The following AP1B1 variants were observed in gnomAD, a reference collection of about 807,000 sequenced individuals.
AP1B1 encodes AP-1 complex subunit beta-1.
A neutral mutation model predicts 104.3 loss-of-function variants in AP1B1; 36 were observed. The ratio of observed to expected loss-of-function variants is 0.35; its 90% CI spans 0.26 to 0.46. AP1B1 has a LOEUF of 0.46. Ranked by LOEUF, AP1B1 falls within the 20% of genes least tolerant of loss-of-function variation. The probability of loss-of-function intolerance (pLI) is 1.00; values close to 1 mark genes in which losing one functional copy is unlikely to be tolerated. For synonymous variants in AP1B1, 504 were observed against 517.5 expected, an observed-to-expected ratio of 0.97 and a Z score of 0.35; for missense variants, 901 against 1,247.9, an observed-to-expected ratio of 0.72 and a Z score of 4.19.
At chr22:29,333,930 T>C (rs1341918614) in intron 17 of AP1B1, among the ~76,000 whole-genome samples, 1 of 152,112 alleles carries the variant, frequency 6.6e-6, no homozygotes, top group Non-Finnish European at 1.5e-5. Flanking sequence ...CCAGGCGTGG[T>C]GGTGTGCACC....
chr22:29,381,218 C>A (rs1411745204), intron 1 of AP1B1, among the ~76,000 whole-genome samples: 2 of 152,076 alleles, frequency 1.3e-5, no homozygotes, highest in South Asian at 2.1e-4. Context: ...AAATTGTATA[C>A]CCCTCCCCCA....
In AP1B1 at chr22:29,362,033, C is replaced by A. The variant is rs547919417; in HGVS notation, c.143+968G>T. Among the ~76,000 whole-genome samples, 9 of 152,166 alleles carry A rather than the reference C, an allele frequency of 5.9e-5. No homozygotes were observed. The South Asian group carries it at 1.9e-3, about 32-fold the overall frequency. ...GGTCTTGAACTCCTGACCTCGTGAT[C>A]CACCCGCCTCGGCCTCCCAAAGTGC... On this transcript the variant is annotated intron_variant, in intron 3 of 22. Transcript: ENST00000357586.
intron 16 of AP1B1, among the ~76,000 whole-genome samples, chr22:29,337,551 T>A (rs970679271): frequency 3.9e-5 from 6 of 152,266 alleles, no homozygotes; most frequent in Admixed American, 1.3e-4. Flanking sequence ...TGTATCCTGC[T>A]TTGGGGTGGG....
intron 1 of AP1B1, among the ~76,000 whole-genome samples, chr22:29,375,592 G>A (rs1263306055): frequency 1.3e-5 from 2 of 152,162 alleles, no homozygotes; most frequent in African/African-American, 2.4e-5. Flanking sequence ...GCCAGACAGT[G>A]ATGACTGGGC....
rs1305159635 is a variant in AP1B1, at chr22:29,358,711, G to C, written c.525+15C>G. The C allele has an allele frequency of 6.2e-7, 1 of 1,604,974 alleles. No homozygotes were observed. The highest frequency in any genetic ancestry group is 1.7e-5 in the Admixed American group (1 of 59,804). ...GGAGGTGGTGGAGGTAGCACGGTGG[G>C]TGGCAGTGGCTTACCATGGGGTTAG... is the stretch of plus-strand genomic sequence containing the variant. On this transcript the variant is annotated intron_variant, in intron 5 of 22. Coordinates refer to ENST00000357586, the MANE Select transcript of AP1B1 (RefSeq NM_001127.4).
intron 8 of AP1B1, 188 bp from the exon 9 acceptor site, chr22:29,351,454 G>A (rs887655621): frequency 4.7e-6 from 4 of 846,602 alleles, no homozygotes; most frequent in Non-Finnish European, 7.5e-6. Context: ...AACCTTGTTT[G>A]GGGTTGATTT....
chr22:29,384,089 G>A lies in AP1B1; in HGVS notation c.-28+4335C>T, dbSNP rs530453387. On this transcript the variant is annotated intron_variant, in intron 1 of 22. Coordinates refer to ENST00000357586, the MANE Select transcript of AP1B1 (RefSeq NM_001127.4). ...TCTCCCAGGTTCTACAAAGCAAACA[G>A]GCACAACTGCAGCACAACTGTAAAA... 1.8e-3 allele frequency among the ~76,000 whole-genome samples: 275 copies of A among 152,304 alleles called. 2 individuals are homozygous for A. Among genetic ancestry groups the A allele is most frequent in the Admixed American group, 0.015 (231 of 15,302 alleles).
At chr22:29,344,097 C>T (rs1002551150) in intron 11 of AP1B1, among the ~76,000 whole-genome samples, 13 of 134,408 alleles carry the variant, frequency 9.7e-5, no homozygotes, top group African/African-American at 2.8e-4. Flanking sequence ...GGGACAAGGG[C>T]GAGACTTTGT....
chr22:29,337,405 C>A (rs926812482), intron 16 of AP1B1, among the ~76,000 whole-genome samples: 2 of 152,216 alleles, frequency 1.3e-5, no homozygotes, highest in East Asian at 3.9e-4. Context: ...AGTGCCCAGA[C>A]CCTGCCAGGG....
chr22:29,334,221 C>T (rs1292585989), intron 17 of AP1B1, 44 bp downstream of exon 17: 11 of 1,526,924 alleles, frequency 7.2e-6, no homozygotes, highest in South Asian at 6.4e-5. Flanking sequence ...GGTTCTCTCA[C>T]AGGCCTCCTC....
chr22:29,380,452 C>T (rs1184947881), intron 1 of AP1B1, among the ~76,000 whole-genome samples: 2 of 152,112 alleles, frequency 1.3e-5, no homozygotes, highest in Non-Finnish European at 2.9e-5. Context: ...GACATCTCCA[C>T]ATTACTGTGG....
chr22:29,329,342 G>C, intron 22 of AP1B1: 1 of 1,191,514 alleles, frequency 8.4e-7, no homozygotes, highest in Non-Finnish European at 1.0e-6. Context: ...GTAGGAAGCA[G>C]GCACGGTAGA....
intron 11 of AP1B1, among the ~76,000 whole-genome samples, chr22:29,348,806 A>C (rs2061829884): frequency 6.6e-6 from 1 of 152,180 alleles, no homozygotes; most frequent in African/African-American, 2.4e-5. Flanking sequence ...CTACTGGTGT[A>C]TTCCTAAATG....
intron 1 of AP1B1, among the ~76,000 whole-genome samples, chr22:29,369,372 T>C (rs942539789): frequency 3.9e-5 from 6 of 152,128 alleles, no homozygotes; most frequent in Admixed American, 3.3e-4. Context: ...TGGGGTCACC[T>C]TAAATCCTTT....
At chr22:29,343,485 A>G (rs1382938668) in intron 11 of AP1B1, among the ~76,000 whole-genome samples, 2 of 152,232 alleles carry the variant, frequency 1.3e-5, no homozygotes, top group Non-Finnish European at 2.9e-5. Flanking sequence ...GCAGCAGATG[A>G]GCAGTAGGCT....
chr22:29,384,739 G>A (rs1487502684), intron 1 of AP1B1, among the ~76,000 whole-genome samples: 2 of 152,062 alleles, frequency 1.3e-5, no homozygotes, highest in Non-Finnish European at 2.9e-5. Context: ...ATGGTGGCAG[G>A]TGCCTGTAAT....
At chr22:29,353,109 G>C (rs540028106) in intron 7 of AP1B1, among the ~76,000 whole-genome samples, 1 of 152,184 alleles carries the variant, frequency 6.6e-6, no homozygotes, top group Non-Finnish European at 1.5e-5. Flanking sequence ...CAGTAAAGAC[G>C]AGAGTGGGGC....
chr22:29,338,918 T>C (rs1015020019), intron 16 of AP1B1, 72 bp downstream of exon 16: 12 of 1,591,350 alleles, frequency 7.5e-6, no homozygotes, highest in Non-Finnish European at 1.7e-6. Context: ...GCCGAGGCCA[T>C]TTAAAGGAGC....
At chr22:29,371,948 G>A (rs746264314) in intron 1 of AP1B1, among the ~76,000 whole-genome samples, 1 of 152,144 alleles carries the variant, frequency 6.6e-6, no homozygotes, top group Non-Finnish European at 1.5e-5. Context: ...ATGCCTCAAG[G>A]GGATGGCATG....
Sources: allele counts gnomAD v4.1 joint callset (sites outside exome capture counted in the v4.1 genomes callset), GRCh38; gene constraint gnomAD v4.1.1; transcripts MANE v1.5; gene names NCBI Gene and HGNC (gene_info 2026-07-23, HGNC 2026-07-21).